The following NELL2 variants were observed in gnomAD, a reference collection of about 807,000 sequenced individuals.
The protein encoded by NELL2 is protein kinase C-binding protein NELL2.
In NELL2, 41 loss-of-function variants were observed where a neutral mutation model predicts 109.6. That is an observed-to-expected ratio of 0.37 (90% CI 0.29 to 0.49). The LOEUF is 0.49. NELL2 is among the 20% of genes least tolerant of loss of function. NELL2 has a pLI of 0.98. For synonymous variants in NELL2, 355 were observed against 344.7 expected, an observed-to-expected ratio of 1.03 and a Z score of -0.33; for missense variants, 900 against 1,008.3, an observed-to-expected ratio of 0.89 and a Z score of 1.45.
chr12:44,602,571 C>A (rs1945259936), intron 15 of NELL2, among the ~76,000 whole-genome samples: 2 of 151,926 alleles, frequency 1.3e-5, no homozygotes, highest in South Asian at 2.1e-4. Flanking sequence ...TTTTTAATTT[C>A]TTTTTATCAA....
intron 2 of NELL2, among the ~76,000 whole-genome samples, chr12:44,821,070 C>CA (rs1555222961): frequency 6.6e-6 from 1 of 151,424 alleles, no homozygotes; most frequent in South Asian, 2.1e-4. Context: ...CACACACACA[C>CA]GTATATATAT....
chr12:44,567,065 A>G (rs1377750655), intron 15 of NELL2, among the ~76,000 whole-genome samples: 2 of 152,116 alleles, frequency 1.3e-5, no homozygotes, highest in Non-Finnish European at 2.9e-5. Flanking sequence ...CTGCCTTGGC[A>G]TCCCAAAATG....
chr12:44,878,925 A>G (rs1385014975), upstream of NELL2, among the ~76,000 whole-genome samples: 1 of 152,196 alleles, frequency 6.6e-6, no homozygotes, highest in Non-Finnish European at 1.5e-5. Context: ...GTTACCTCAC[A>G]TGGCAAAGGG....
At chr12:44,881,600 G>T (rs942902096) in intron 1 of NELL2, among the ~76,000 whole-genome samples, 1 of 151,934 alleles carries the variant, frequency 6.6e-6, no homozygotes, top group Non-Finnish European at 1.5e-5. Context: ...CTGAACAAAA[G>T]GGAGAAGACT....
intron 1 of NELL2, among the ~76,000 whole-genome samples, chr12:44,910,209 T>C (rs1945764333): frequency 6.6e-6 from 1 of 151,902 alleles, no homozygotes. Flanking sequence ...GGAGAAAATA[T>C]TCACAAATTT....
intron 2 of NELL2, among the ~76,000 whole-genome samples, chr12:44,856,219 C>T (rs1252054498): frequency 6.6e-6 from 1 of 152,202 alleles, no homozygotes; most frequent in Non-Finnish European, 1.5e-5. Flanking sequence ...TGCTCCCCAT[C>T]TTCTAAAACA....
At chr12:44,895,821 T>A (rs1945586896) in intron 1 of NELL2, among the ~76,000 whole-genome samples, 1 of 152,176 alleles carries the variant, frequency 6.6e-6, no homozygotes, top group South Asian at 2.1e-4. Flanking sequence ...CTTTCTTTAG[T>A]GACATTATAT....
chr12:44,713,882 T>C (rs1164976274), intron 10 of NELL2, among the ~76,000 whole-genome samples: 1 of 151,918 alleles, frequency 6.6e-6, no homozygotes, highest in Non-Finnish European at 1.5e-5. Flanking sequence ...AATTTATACA[T>C]ACTAAATCAT....
At chr12:44,631,577 G>A (rs1472647550) in intron 13 of NELL2, among the ~76,000 whole-genome samples, 1 of 151,954 alleles carries the variant, frequency 6.6e-6, no homozygotes, top group African/African-American at 2.4e-5. Context: ...TAACTGTTGG[G>A]TGCAATGCTC....
At chr12:44,783,031 T>C (rs994953842) in intron 3 of NELL2, among the ~76,000 whole-genome samples, 3 of 151,908 alleles carry the variant, frequency 2.0e-5, no homozygotes, top group Non-Finnish European at 2.9e-5. Flanking sequence ...TTAAAAAATT[T>C]AAATCACTTA....
chr12:44,844,310 GA>G (rs915309976), intron 2 of NELL2, among the ~76,000 whole-genome samples: 1 of 152,146 alleles, frequency 6.6e-6, no homozygotes, highest in African/African-American at 2.4e-5. Flanking sequence ...CAAAAGAAGA[GA>G]AAAAACAAGT....
intron 3 of NELL2, among the ~76,000 whole-genome samples, chr12:44,804,704 T>G (rs1379134893): frequency 6.6e-6 from 1 of 151,916 alleles, no homozygotes; most frequent in African/African-American, 2.4e-5. Flanking sequence ...TGTATTGTAA[T>G]GCCAAAGAAT....
At chr12:44,680,414 AT>A (rs1948458129) in intron 12 of NELL2, among the ~76,000 whole-genome samples, 1 of 152,190 alleles carries the variant, frequency 6.6e-6, no homozygotes, top group African/African-American at 2.4e-5. Context: ...GATATGAACA[AT>A]TTTTTAAAAA....
At chr12:44,585,663 T>C (rs1422929976) in intron 15 of NELL2, among the ~76,000 whole-genome samples, 1 of 151,986 alleles carries the variant, frequency 6.6e-6, no homozygotes, top group Non-Finnish European at 1.5e-5. Flanking sequence ...AACAAATAGG[T>C]ACAATTTTAT....
chr12:44,815,174 TTTC>T (rs772415955), intron 3 of NELL2, among the ~76,000 whole-genome samples: 14 of 152,050 alleles, frequency 9.2e-5, no homozygotes, highest in Admixed American at 3.9e-4. Context: ...CATGAATGAC[TTTC>T]TTCTTCTTCC....
At chr12:44,577,916 C>T (rs1482363078) in intron 15 of NELL2, among the ~76,000 whole-genome samples, 2 of 152,176 alleles carry the variant, frequency 1.3e-5, no homozygotes, top group Non-Finnish European at 2.9e-5. Context: ...GCCTAGATTA[C>T]ACCAAGTGGA....
intron 12 of NELL2, among the ~76,000 whole-genome samples, chr12:44,702,291 T>G (rs1949253273): frequency 6.6e-6 from 1 of 152,158 alleles, no homozygotes; most frequent in Admixed American, 6.6e-5. Flanking sequence ...GTAAAGCTCC[T>G]GAGCACGGGA....
At chr12:44,705,769 A>G (rs946861700) in intron 11 of NELL2, among the ~76,000 whole-genome samples, 4 of 152,234 alleles carry the variant, frequency 2.6e-5, no homozygotes, top group African/African-American at 9.6e-5. Context: ...TAAGATACAC[A>G]GAGAATTAAG....
At chr12:44,713,207 CACACACACAG>C (rs1209929698) in intron 10 of NELL2, among the ~76,000 whole-genome samples, 1 of 145,330 alleles carries the variant, frequency 6.9e-6, no homozygotes, top group Admixed American at 6.8e-5. Context: ...CACACACACA[CACACACACAG>C]AGAGAGACAG....
Sources: allele counts gnomAD v4.1 joint callset (sites outside exome capture counted in the v4.1 genomes callset), GRCh38; gene constraint gnomAD v4.1.1; transcripts MANE v1.5; gene names NCBI Gene and HGNC (gene_info 2026-07-23, HGNC 2026-07-21).